C22orf39: variants seen among roughly 807,000 people sequenced by gnomAD.
C22orf39 encodes synaptic plasticity regulator PANTS.
In C22orf39, 20 loss-of-function variants were observed where a neutral mutation model predicts 18.3. The ratio of observed to expected loss-of-function variants is 1.09; its 90% CI spans 0.77 to 1.59. The LOEUF (loss-of-function observed/expected upper bound fraction) is 1.59, where lower values mean the gene tolerates loss of function less well. Among genes scored for constraint, C22orf39 ranks in the 40% most tolerant of loss-of-function variants. C22orf39 has a pLI of 0.00. For synonymous variants in C22orf39, 63 were observed against 59.6 expected, an observed-to-expected ratio of 1.06 and a Z score of -0.26; for missense variants, 195 against 156.1, an observed-to-expected ratio of 1.25 and a Z score of -1.33.
Position 19,444,354 on chromosome 22 carries a change from C to G in C22orf39, c.229G>C (p.Ala77Pro), listed in dbSNP as rs1451479126. The G allele has an allele frequency of 6.2e-7, 1 of 1,600,414 alleles. No individual in the cohort carries two copies. The highest frequency in any genetic ancestry group is 8.5e-7 in the Non-Finnish European group (1 of 1,174,932). Reference sequence around the variant, plus strand: ...CACACCAGGATGTGCTTCCGTGCAGCCCGGACTCGTGCCCGCTCGCTCTCA... The same window carrying G: ...CACACCAGGATGTGCTTCCGTGCAGGCCGGACTCGTGCCCGCTCGCTCTCA... ...LCESERARVR[A>P]ARKHILVWAP... Residue 77 changes from alanine to proline, a missense_variant, in exon 3 of 3, where the codon GCT (alanine) becomes CCT (proline). By Grantham distance (27) the Ala-to-Pro change is conservative. Transcript: ENST00000399562.
chr22:19,444,933 G>A (rs885976), intron 2 of C22orf39, among the ~76,000 whole-genome samples: 101,252 of 152,026 alleles, frequency 0.67, 34,532 homozygotes, highest in Non-Finnish European at 0.74. Flanking sequence ...GCTTCTCTTG[G>A]CTACTGTCTC....
chr22:19,447,670 A>T lies in C22orf39; in HGVS notation c.19T>A (p.Trp7Arg), dbSNP rs780338066. 6.2e-7 allele frequency: 1 copy of T among 1,611,030 alleles called. No homozygotes were observed. Among genetic ancestry groups the T allele is most frequent in the Non-Finnish European group, 8.5e-7 (1 of 1,178,996 alleles). MADGSG[W>R]QPPRPCEAYR... ...CTCCGACCCAGCACACTCACCTGCC[A>T]GCCGCTGCCGTCCGCCATGTCTGGG... The change falls in exon 1 of 3, where the codon TGG becomes AGG. Residue 7 changes from tryptophan to arginine, a missense_variant. By Grantham distance (101) the Trp-to-Arg change is moderately radical (BLOSUM62 -3). Transcript: ENST00000399562.
chr22:19,447,708 C>A lies in C22orf39; in HGVS notation c.-20G>T. On this transcript the variant is annotated 5_prime_UTR_variant, in exon 1 of 3. Coordinates refer to ENST00000399562, the MANE Select transcript of C22orf39 (RefSeq NM_173793.5). ...CGCCATGTCTGGGCGACCGGCGCGC[C>A]AAGCCCGCCCCTCAGTCCGCCAGCC... 1.2e-6 allele frequency: 2 copies of A among 1,603,598 alleles called. No homozygotes were observed. The highest frequency in any genetic ancestry group is 1.7e-6 in the Non-Finnish European group (2 of 1,176,262).
chr22:19,444,786 T>A (rs1228946359), intron 2 of C22orf39, among the ~76,000 whole-genome samples: 8 of 152,016 alleles, frequency 5.3e-5, no homozygotes, highest in Admixed American at 5.2e-4. Context: ...TGTGGGGAGC[T>A]GCAGGGAGGA....
At chr22:19,444,449 C>A in intron 2 of C22orf39, 59 bp from the exon 3 acceptor site, 1 of 1,539,194 alleles carries the variant, frequency 6.5e-7, no homozygotes, top group African/African-American at 1.4e-5. Flanking sequence ...GACCCCTGTA[C>A]CTCCCCCCTC....
chr22:19,443,084 CA>C lies in C22orf39; in HGVS notation c.*1180del. The C allele has an allele frequency of 3.1e-5, 25 of 795,982 alleles. No homozygotes were observed. Among genetic ancestry groups the C allele is most frequent in the Non-Finnish European group, 3.6e-5 (24 of 658,238 alleles). 49.3% of individuals were successfully genotyped at this position (795,982 alleles called of 1,614,324 possible). A position where few individuals can be genotyped will look rare whatever the true frequency, so the allele number is the denominator to read the frequency against. On this transcript the variant is annotated 3_prime_UTR_variant, in exon 3 of 3. Transcript: ENST00000399562. The stretch of plus-strand genomic sequence containing the variant: ...CTTGGGATCCCGTGAGCACAACCCC[CA>C]CCCCCACCCCCACTGTTCACAGACA...
chr22:19,447,241 CAAAA>C (rs1256663582), intron 2 of C22orf39, 133 bp downstream of exon 2: 1 of 979,612 alleles, frequency 1.0e-6, no homozygotes, highest in Non-Finnish European at 1.4e-6. Flanking sequence ...CACAATCTCT[CAAAA>C]GAAAGGAAGC....
In C22orf39 at chr22:19,447,674, G is replaced by T; in HGVS notation, c.15C>A (p.Ser5Arg). Residue 5 changes from serine (S) to arginine (R), a missense_variant, in exon 1 of 3, where the codon AGC becomes AGA. Transcript: ENST00000399562. MADGSGWQPPRPCEA... is the reference protein window; with the variant it reads MADGRGWQPPRPCEA... The stretch of plus-strand genomic sequence containing the variant: ...GACCCAGCACACTCACCTGCCAGCC[G>T]CTGCCGTCCGCCATGTCTGGGCGAC... 6.2e-7 allele frequency: 1 copy of T among 1,610,782 alleles called. No homozygotes were observed. Among genetic ancestry groups the T allele is most frequent in the Non-Finnish European group, 8.5e-7 (1 of 1,178,832 alleles).
chr22:19,446,295 T>C (rs1430643180), intron 2 of C22orf39, among the ~76,000 whole-genome samples: 1 of 152,246 alleles, frequency 6.6e-6, no homozygotes, highest in Non-Finnish European at 1.5e-5. Context: ...CTTACTTTTT[T>C]TGACTTTCAC....
Position 19,447,416 on chromosome 22 carries a change from AGCTGGCCAGGTCGCGCTGCCACTGTTC to A in C22orf39, c.127_153del (p.Glu43_Ser51del), listed in dbSNP as rs764084564. ...TTCCGGCGCTCCTCCCAGTCGCGGC[AGCTGGCCAGGTCGCGCTGCCACTGTTC>A]GCAGGCCGGCCGCTCGCCGTGGACG... is the stretch of plus-strand genomic sequence containing the variant. On this transcript the variant is annotated inframe_deletion, in exon 2 of 3. Transcript: ENST00000399562. 1.3e-6 allele frequency: 2 copies of A among 1,507,378 alleles called. No individual in the cohort carries two copies. Among genetic ancestry groups the A allele is most frequent in the Non-Finnish European group, 1.8e-6 (2 of 1,135,978 alleles). The allele number at this position is 1,507,378 out of a possible 1,614,324, so 93.4% of individuals were successfully genotyped here.
At position 19,443,077 on chromosome 22, in the gene C22orf39, CAA is replaced by C; in HGVS notation, c.*1186_*1187del. On this transcript the variant is annotated 3_prime_UTR_variant, in exon 3 of 3. Transcript: ENST00000399562. ...TCCTGCTCTTGGGATCCCGTGAGCA[CAA>C]CCCCCACCCCCACCCCCACTGTTCA... is the stretch of plus-strand genomic sequence containing the variant. 1.2e-6 allele frequency: 1 copy of C among 861,242 alleles called. No individual in the cohort carries two copies. The highest frequency in any genetic ancestry group is 1.4e-6 in the Non-Finnish European group (1 of 717,438). The allele number at this position is 861,242 out of a possible 1,614,324, so 53.4% of individuals were successfully genotyped here. A position where few individuals can be genotyped will look rare whatever the true frequency, so the allele number is the denominator to read the frequency against.
rs2089619700 is a variant in C22orf39 at position 19,442,679 on chromosome 22, C to T, written c.*1586G>A. The T allele has an allele frequency of 6.6e-6, 1 of 152,296 alleles. No individual in the cohort carries two copies. The highest frequency in any genetic ancestry group is 1.5e-5 in the Non-Finnish European group (1 of 68,082). The allele number at this position is 152,296 out of a possible 1,614,324, so 9.4% of individuals were successfully genotyped here. On this transcript the variant is annotated 3_prime_UTR_variant, in exon 3 of 3. Transcript: ENST00000399562. ...TGCCTCTGGGGTTCAAGCAATTCTC[C>T]TGTCTCAGCTTCCCGAGTAGCTGGG...
At chr22:19,444,516 C>T in intron 2 of C22orf39, 126 bp from the exon 3 acceptor site, 2 of 918,008 alleles carry the variant, frequency 2.2e-6, no homozygotes, top group Non-Finnish European at 3.2e-6. Context: ...CACCACTCTG[C>T]AGCACAGCTG....
chr22:19,447,250 G>A (rs1012073618), intron 2 of C22orf39, 128 bp downstream of exon 2: 23 of 1,001,266 alleles, frequency 2.3e-5, no homozygotes, highest in Non-Finnish European at 3.0e-5. Flanking sequence ...TCAAAAGAAA[G>A]GAAGCGTGAG....
chr22:19,441,909 C>T lies in C22orf39; in HGVS notation c.*2356G>A. ...TCCTGGGCTCAAACAATCCTCCTATCTCAGCCTCCGAAGTAGCTGGAACTA... is the reference window on the plus strand; with the variant it reads ...TCCTGGGCTCAAACAATCCTCCTATTTCAGCCTCCGAAGTAGCTGGAACTA... On this transcript the variant is annotated 3_prime_UTR_variant, in exon 3 of 3. Coordinates refer to ENST00000399562, the MANE Select transcript of C22orf39 (RefSeq NM_173793.5). 1 of 531,344 alleles carries T rather than the reference C, an allele frequency of 1.9e-6. No individual in the cohort carries two copies. The highest frequency in any genetic ancestry group is 3.3e-6 in the Non-Finnish European group (1 of 307,198). 32.9% of individuals were successfully genotyped at this position (531,344 alleles called of 1,614,324 possible).
At position 19,441,476 on chromosome 22, in the gene C22orf39, A is replaced by G. The variant is rs1334122464; in HGVS notation, c.*2789T>C. 1 of 585,198 alleles carries G rather than the reference A, an allele frequency of 1.7e-6. No homozygotes were observed. Among genetic ancestry groups the G allele is most frequent in the Non-Finnish European group, 3.0e-6 (1 of 330,900 alleles). The allele number at this position is 585,198 out of a possible 1,614,324, so 36.3% of individuals were successfully genotyped here. A position where few individuals can be genotyped will look rare whatever the true frequency, so the allele number is the denominator to read the frequency against. On this transcript the variant is annotated 3_prime_UTR_variant, in exon 3 of 3. Coordinates refer to ENST00000399562, the MANE Select transcript of C22orf39 (RefSeq NM_173793.5). Reference sequence around the variant, plus strand: ...ATATAACAGTCTATGCCAGATAATAATGTAAAATACTTATTATTAATATGG... The same window carrying G: ...ATATAACAGTCTATGCCAGATAATAGTGTAAAATACTTATTATTAATATGG...
At chr22:19,445,796 T>G (rs2089636364) in intron 2 of C22orf39, among the ~76,000 whole-genome samples, 1 of 152,154 alleles carries the variant, frequency 6.6e-6, no homozygotes, top group Non-Finnish European at 1.5e-5. Context: ...TATCTCAGCC[T>G]CCCGAGTAGC....
At position 19,442,431 on chromosome 22, in the gene C22orf39, C is replaced by G. The variant is rs1232246289; in HGVS notation, c.*1834G>C. ...AACAAGCAGGTGGCAGGGAGCGTGG[C>G]TGCACTGAGGGGAAGCCCCTCATGG... On this transcript the variant is annotated 3_prime_UTR_variant, in exon 3 of 3. Transcript: ENST00000399562. 1 of 152,372 alleles carries G rather than the reference C, an allele frequency of 6.6e-6. No homozygotes were observed. Among genetic ancestry groups the G allele is most frequent in the East Asian group, 1.9e-4 (1 of 5,208 alleles). The allele number at this position is 152,372 out of a possible 1,614,324, so 9.4% of individuals were successfully genotyped here. A position where few individuals can be genotyped will look rare whatever the true frequency, so the allele number is the denominator to read the frequency against.
rs1447973640 is a variant in C22orf39, at chr22:19,443,822, C to T, written c.*443G>A. 43 of 985,346 alleles carry T rather than the reference C, an allele frequency of 4.4e-5. No individual in the cohort carries two copies. The highest frequency in any genetic ancestry group is 4.9e-5 in the Non-Finnish European group (41 of 830,534). 61.0% of individuals were successfully genotyped at this position (985,346 alleles called of 1,614,324 possible). On this transcript the variant is annotated 3_prime_UTR_variant, in exon 3 of 3. Coordinates refer to ENST00000399562, the MANE Select transcript of C22orf39 (RefSeq NM_173793.5). ...CTCACAATGCTCACCAAACCTGGGA[C>T]GTGGCAGGCAGTTTCCCAAGGACTA... is the stretch of plus-strand genomic sequence containing the variant.
Sources: gnomAD v4.1 joint callset for allele counts (sites outside exome capture counted in the v4.1 genomes callset) on GRCh38, gnomAD v4.1.1 for gene constraint, MANE v1.5 for transcripts, NCBI Gene and HGNC (gene_info 2026-07-23, HGNC 2026-07-21) for gene names.